DYNC1I1: variants seen among roughly 807,000 people sequenced by gnomAD.
DYNC1I1 encodes the protein cytoplasmic dynein 1 intermediate chain 1.
DYNC1I1 carries 43 observed loss-of-function variants against 86.6 expected under a neutral mutation model. That is an observed-to-expected ratio of 0.50 (90% CI 0.39 to 0.64). The LOEUF (loss-of-function observed/expected upper bound fraction) is 0.64. DYNC1I1 is among the 30% of genes least tolerant of loss of function. The probability of loss-of-function intolerance (pLI) is 0.00; values close to 1 mark genes in which losing one functional copy is unlikely to be tolerated. For missense variants in DYNC1I1, 604 were observed against 788.8 expected, an observed-to-expected ratio of 0.77 and a Z score of 2.81; for synonymous variants, 262 against 283.7, an observed-to-expected ratio of 0.92 and a Z score of 0.77.
At chr7:95,992,060 G>A (rs965884841) in intron 9 of DYNC1I1, among the ~76,000 whole-genome samples, 3 of 151,878 alleles carry the variant, frequency 2.0e-5, no homozygotes, top group Non-Finnish European at 2.9e-5. Flanking sequence ...GGGTTTCACC[G>A]TGTTAGCCAG....
rs550838341 is a variant in DYNC1I1 at position 95,944,702 on chromosome 7, G to C, written c.491-32810G>C. 2.0e-5 allele frequency among the ~76,000 whole-genome samples: 3 copies of C among 152,206 alleles called. No homozygotes were observed. In the East Asian group the frequency reaches 5.8e-4, roughly 29 times the overall value. On this transcript the variant is annotated intron_variant, in intron 6 of 16. Coordinates refer to ENST00000447467, the MANE Select transcript of DYNC1I1 (RefSeq NM_001135556.2). ...TGGAATACTATGCAGCCATAAAAATGATGAGTTCATGTCCTTTGGTGGGAC... is the reference window on the plus strand; with the variant it reads ...TGGAATACTATGCAGCCATAAAAATCATGAGTTCATGTCCTTTGGTGGGAC...
At chr7:96,049,695 T>C (rs1008412418) in intron 14 of DYNC1I1, among the ~76,000 whole-genome samples, 1 of 152,018 alleles carries the variant, frequency 6.6e-6, no homozygotes, top group African/African-American at 2.4e-5. Context: ...TAGAATGAAA[T>C]CAAATTTTTT....
chr7:96,085,763 T>A (rs1190877830), intron 16 of DYNC1I1, among the ~76,000 whole-genome samples: 2 of 152,230 alleles, frequency 1.3e-5, no homozygotes. Flanking sequence ...GATTCAAAAT[T>A]AAAAATGAGC....
At chr7:96,100,179 GA>G (rs1015317653), downstream of DYNC1I1, among the ~76,000 whole-genome samples, 9 of 152,316 alleles carry the variant, frequency 5.9e-5, no homozygotes, top group East Asian at 9.6e-4. Context: ...GTATGGCAAA[GA>G]TCCTAAGGCT....
chr7:95,823,260 ATC>A (rs1795119872), intron 4 of DYNC1I1, among the ~76,000 whole-genome samples: 2 of 152,094 alleles, frequency 1.3e-5, no homozygotes, highest in African/African-American at 4.8e-5. Flanking sequence ...GTCAAATGGA[ATC>A]TCTAATCTTT....
chr7:95,875,104 A>AG (rs1403817266), intron 6 of DYNC1I1, among the ~76,000 whole-genome samples: 1 of 152,180 alleles, frequency 6.6e-6, no homozygotes, highest in Non-Finnish European at 1.5e-5. Context: ...GTCAGCTGTG[A>AG]GGGACAAGGC....
chr7:96,099,758 A>G, downstream of DYNC1I1, among the ~76,000 whole-genome samples: 1 of 152,192 alleles, frequency 6.6e-6, no homozygotes, highest in East Asian at 1.9e-4. Flanking sequence ...CATCACATTG[A>G]AGATTTAGGC....
At chr7:95,814,545 G>C (rs531053256) in intron 4 of DYNC1I1, among the ~76,000 whole-genome samples, 1 of 152,082 alleles carries the variant, frequency 6.6e-6, no homozygotes, top group African/African-American at 2.4e-5. Context: ...TTCACCTAAG[G>C]CATTAGCATA....
chr7:96,036,651 G>A (rs2299276), intron 13 of DYNC1I1, among the ~76,000 whole-genome samples: 34,784 of 152,008 alleles, frequency 0.23, 4,087 homozygotes, highest in East Asian at 0.32. Context: ...ATATATTGGG[G>A]ATAAAGAAAT....
intron 6 of DYNC1I1, among the ~76,000 whole-genome samples, chr7:95,916,120 T>C (rs1791461762): frequency 6.6e-6 from 1 of 152,182 alleles, no homozygotes; most frequent in Non-Finnish European, 1.5e-5. Context: ...CATCTAGAAG[T>C]CATACTGGTG....
chr7:95,889,495 C>T (rs960996713), intron 6 of DYNC1I1, among the ~76,000 whole-genome samples: 76 of 152,160 alleles, frequency 5.0e-4, no homozygotes, highest in Middle Eastern at 3.4e-3. Context: ...CTATAAAAGC[C>T]CTGAAAGTTA....
At position 96,097,785 on chromosome 7, in the gene DYNC1I1, C is replaced by T; in HGVS notation, c.*192C>T. On this transcript the variant is annotated 3_prime_UTR_variant, in exon 17 of 17. Coordinates refer to ENST00000447467, the MANE Select transcript of DYNC1I1 (RefSeq NM_001135556.2). ...TGCTTTCCACTGACCCAAAATTCAC[C>T]ACAGCATTTCTATCTTTATATTTCT... 1 of 1,308,382 alleles carries T rather than the reference C, an allele frequency of 7.6e-7. No individual in the cohort carries two copies. Among genetic ancestry groups the T allele is most frequent in the Non-Finnish European group, 9.7e-7 (1 of 1,025,942 alleles). 81.0% of individuals were successfully genotyped at this position (1,308,382 alleles called of 1,614,324 possible). A position where few individuals can be genotyped will look rare whatever the true frequency, so the allele number is the denominator to read the frequency against.
chr7:95,781,026 C>T (rs749071598), intron 1 of DYNC1I1, among the ~76,000 whole-genome samples: 24 of 152,074 alleles, frequency 1.6e-4, no homozygotes, highest in Non-Finnish European at 2.8e-4. Flanking sequence ...ACCTTCTCTG[C>T]CGGCTTCCTT....
chr7:95,890,972 C>T (rs1247616423), intron 6 of DYNC1I1, among the ~76,000 whole-genome samples: 1 of 152,136 alleles, frequency 6.6e-6, no homozygotes, highest in African/African-American at 2.4e-5. Context: ...TGCTGAAGTC[C>T]TCATCCCCAG....
intron 14 of DYNC1I1, among the ~76,000 whole-genome samples, chr7:96,062,312 T>C (rs1789805647): frequency 6.6e-6 from 1 of 152,228 alleles, no homozygotes. Context: ...ATTCCTGTAT[T>C]CTTCCGGAGA....
In DYNC1I1 at chr7:96,097,815, C is replaced by G. The variant is rs1381136249; in HGVS notation, c.*222C>G. 1 of 1,268,964 alleles carries G rather than the reference C, an allele frequency of 7.9e-7. No individual in the cohort carries two copies. Among genetic ancestry groups the G allele is most frequent in the Non-Finnish European group, 1.0e-6 (1 of 1,003,058 alleles). The allele number at this position is 1,268,964 out of a possible 1,614,324, so 78.6% of individuals were successfully genotyped here. Reference sequence around the variant, plus strand: ...CATTTCTATCTTTATATTTCTGTCTCAAAAATGAAGAGAAGGGGGTTATGG... The same window carrying G: ...CATTTCTATCTTTATATTTCTGTCTGAAAAATGAAGAGAAGGGGGTTATGG... On this transcript the variant is annotated 3_prime_UTR_variant, in exon 17 of 17. Transcript: ENST00000447467.
chr7:96,040,744 C>T lies in DYNC1I1; in HGVS notation c.1509+1323C>T, dbSNP rs112687758. Among the ~76,000 whole-genome samples the T allele has an allele frequency of 3.0e-3, 424 of 141,272 alleles. 3 individuals are homozygous for T. The highest frequency in any genetic ancestry group is 0.01 in the African/African-American group (397 of 38,066). The allele number at this position is 141,272 out of a possible 152,430, so 92.7% of individuals were successfully genotyped here. A position where few individuals can be genotyped will look rare whatever the true frequency, so the allele number is the denominator to read the frequency against. On this transcript the variant is annotated intron_variant, in intron 14 of 16. Coordinates refer to ENST00000447467, the MANE Select transcript of DYNC1I1 (RefSeq NM_001135556.2). ...TTTTTTTTTTTTCTTTTTTTTGAAACATAGTCTCGCTCTGTCACCCAGGCT... is the reference window on the plus strand; with the variant it reads ...TTTTTTTTTTTTCTTTTTTTTGAAATATAGTCTCGCTCTGTCACCCAGGCT...
rs764269435 is a variant in DYNC1I1, at chr7:95,987,051, C to T, written c.744-5C>T. On this transcript the variant is annotated splice_region_variant and splice_polypyrimidine_tract_variant and intron_variant, in intron 8 of 16. Transcript: ENST00000447467. ...TATTTATCTCTGATGTTTAAATCCT[C>T]CTAGGGATGTTCAGGCTGGAGCCAA... 1 of 1,613,344 alleles carries T rather than the reference C, an allele frequency of 6.2e-7. No homozygotes were observed. The highest frequency in any genetic ancestry group is 8.5e-7 in the Non-Finnish European group (1 of 1,179,480).
Position 95,976,354 on chromosome 7 carries a change from A to G in DYNC1I1, c.491-1158A>G, listed in dbSNP as rs114845838. On this transcript the variant is annotated intron_variant, in intron 6 of 16. Transcript: ENST00000447467. ...TTTAAAATTGATATTCCTACCACAA[A>G]TCACTTGCTTAATATTAGTTAGAAT... Among the ~76,000 whole-genome samples the G allele has an allele frequency of 9.5e-3, 1,448 of 152,286 alleles. 32 individuals are homozygous for G. Among genetic ancestry groups the G allele is most frequent in the African/African-American group, 0.032 (1,343 of 41,548 alleles).
Sources: gnomAD v4.1 joint callset for allele counts (sites outside exome capture counted in the v4.1 genomes callset) on GRCh38, gnomAD v4.1.1 for gene constraint, MANE v1.5 for transcripts, NCBI Gene and HGNC (gene_info 2026-07-23, HGNC 2026-07-21) for gene names.